TNRC6B: variants seen among roughly 807,000 people sequenced by gnomAD.
TNRC6B encodes the protein trinucleotide repeat containing adaptor 6B, also known as trinucleotide repeat-containing gene 6B protein.
Under a neutral mutation model 203.6 loss-of-function variants are expected in TNRC6B, and 52 were observed. That is an observed-to-expected ratio of 0.26 (90% CI 0.20 to 0.32). The LOEUF (loss-of-function observed/expected upper bound fraction) is 0.32. Ranked by LOEUF, TNRC6B falls within the 10% of genes least tolerant of loss-of-function variation. TNRC6B has a pLI of 1.00. For missense variants in TNRC6B, 1,923 were observed against 2,286.2 expected, an observed-to-expected ratio of 0.84 and a Z score of 3.24; for synonymous variants, 838 against 845.7, an observed-to-expected ratio of 0.99 and a Z score of 0.16.
chr22:40,151,227 C>T (rs1465215379), intron 3 of TNRC6B, among the ~76,000 whole-genome samples: 8 of 151,434 alleles, frequency 5.3e-5, no homozygotes, highest in African/African-American at 9.7e-5. Context: ...GCCGAGATCA[C>T]GCCACTGCAC....
intron 1 of TNRC6B, among the ~76,000 whole-genome samples, chr22:40,051,865 A>C (rs1257043916): frequency 3.3e-5 from 5 of 152,204 alleles, no homozygotes; most frequent in Non-Finnish European, 7.3e-5. Context: ...AATTGGTAAA[A>C]ATTATTAATG....
At chr22:40,318,807 T>C (rs1165377526) in intron 21 of TNRC6B, among the ~76,000 whole-genome samples, 2 of 152,174 alleles carry the variant, frequency 1.3e-5, no homozygotes, top group Non-Finnish European at 2.9e-5. Flanking sequence ...TGGTGGCTCA[T>C]GCCTGTAATC....
At chr22:40,261,198 A>G (rs1167440512) in intron 3 of TNRC6B, among the ~76,000 whole-genome samples, 3 of 152,118 alleles carry the variant, frequency 2.0e-5, no homozygotes, top group Non-Finnish European at 2.9e-5. Context: ...AGGTGGGAGG[A>G]TCACTTGAGC....
At chr22:40,239,700 G>A (rs536994774) in intron 1 of TNRC6B, among the ~76,000 whole-genome samples, 2 of 152,264 alleles carry the variant, frequency 1.3e-5, no homozygotes, top group Non-Finnish European at 2.9e-5. Flanking sequence ...ACCATTGGAG[G>A]GTTCAGTTCT....
At position 40,324,185 on chromosome 22, in the gene TNRC6B, G is replaced by C. The variant is rs1346614843; in HGVS notation, c.*944G>C. On this transcript the variant is annotated 3_prime_UTR_variant, in exon 23 of 23. Transcript: ENST00000454349. ...CCATTTGCAACTTAGCCTGAATGTG[G>C]GGTTTCTCTGGCTGTTCTTTTGACC... 6.6e-6 allele frequency: 1 copy of C among 152,568 alleles called. No homozygotes were observed. The highest frequency in any genetic ancestry group is 6.5e-5 in the Admixed American group (1 of 15,276). The allele number at this position is 152,568 out of a possible 1,614,324, so 9.5% of individuals were successfully genotyped here.
chr22:40,125,760 CTCT>C (rs2068486672), intron 2 of TNRC6B: 1 of 1,568,326 alleles, frequency 6.4e-7, no homozygotes, highest in South Asian at 1.2e-5. Flanking sequence ...TTTTTCTTCT[CTCT>C]TCTTTTAGGC....
Position 40,266,895 on chromosome 22 carries a change from A to T in TNRC6B, c.2665A>T (p.Ile889Phe), listed in dbSNP as rs370065134. 1.2e-5 allele frequency: 20 copies of T among 1,613,924 alleles called. No homozygotes were observed. The highest frequency in any genetic ancestry group is 1.7e-5 in the Non-Finnish European group (20 of 1,179,910). The change falls in exon 5 of 23, where the codon ATT becomes TTT. Residue 889 changes from isoleucine to phenylalanine, a missense_variant. Physicochemically the swap from Ile to Phe is conservative, Grantham distance 21. Around this residue, in one of 8 missense-constraint regions of TNRC6B, gnomAD observed 599 missense variants for 656.5 expected, o/e 0.91. Transcript: ENST00000454349. ...ACAGTCAATTAGTCGGAAAATGGAC[A>T]TTGATGATGGCACTTCAGCATGGGG... ...SPQSISRKMD[I>F]DDGTSAWGDP...
At chr22:40,085,567 AAG>A (rs2068093159) in intron 1 of TNRC6B, among the ~76,000 whole-genome samples, 1 of 152,192 alleles carries the variant, frequency 6.6e-6, no homozygotes, top group Non-Finnish European at 1.5e-5. Context: ...GAGTGCAAGG[AAG>A]AGTGTTCCTT....
intron 1 of TNRC6B, among the ~76,000 whole-genome samples, chr22:40,048,592 TTC>T (rs1318581409): frequency 6.6e-6 from 1 of 152,198 alleles, no homozygotes; most frequent in Non-Finnish European, 1.5e-5. Flanking sequence ...TTTCATCCTT[TTC>T]TGTCTCCCTG....
chr22:40,146,712 G>A (rs1425398636), intron 3 of TNRC6B, among the ~76,000 whole-genome samples: 1 of 151,890 alleles, frequency 6.6e-6, no homozygotes, highest in Non-Finnish European at 1.5e-5. Context: ...GGCGCCCGCC[G>A]CCATGCCTGG....
intron 5 of TNRC6B, among the ~76,000 whole-genome samples, chr22:40,268,266 A>C (rs1372275192): frequency 6.6e-6 from 1 of 152,042 alleles, no homozygotes; most frequent in African/African-American, 2.4e-5. Context: ...TTGTATTTTT[A>C]GTAGAGACAG....
At chr22:40,206,989 G>A (rs1489351842) in intron 1 of TNRC6B, among the ~76,000 whole-genome samples, 2 of 151,938 alleles carry the variant, frequency 1.3e-5, no homozygotes, top group African/African-American at 2.4e-5. Flanking sequence ...AAAATTACTC[G>A]ACCTCCGAAG....
chr22:40,119,403 G>A (rs1471809097), intron 2 of TNRC6B, among the ~76,000 whole-genome samples: 1 of 152,222 alleles, frequency 6.6e-6, no homozygotes, highest in Non-Finnish European at 1.5e-5. Flanking sequence ...GGCCAACATG[G>A]TGAAACCCTG....
chr22:40,086,868 C>T (rs1351117339), intron 1 of TNRC6B, among the ~76,000 whole-genome samples: 1 of 152,178 alleles, frequency 6.6e-6, no homozygotes, highest in African/African-American at 2.4e-5. Flanking sequence ...AAGAGAGATG[C>T]TAATAAGCTT....
chr22:40,236,963 G>A (rs1336433284), intron 1 of TNRC6B, among the ~76,000 whole-genome samples: 1 of 152,034 alleles, frequency 6.6e-6, no homozygotes, highest in Admixed American at 6.6e-5. Context: ...CCAGGAGTTC[G>A]AGACCAGCCT....
chr22:40,072,396 T>C (rs17001611), intron 1 of TNRC6B, among the ~76,000 whole-genome samples: 6,718 of 152,274 alleles, frequency 0.044, 447 homozygotes, highest in African/African-American at 0.14. Flanking sequence ...CTACTAATTA[T>C]TCCCAAGGAT....
intron 1 of TNRC6B, among the ~76,000 whole-genome samples, chr22:40,223,713 T>C (rs1242640122): frequency 6.6e-6 from 1 of 152,236 alleles, no homozygotes. Flanking sequence ...TACAAACATA[T>C]TTTGCAGTGA....
intron 1 of TNRC6B, among the ~76,000 whole-genome samples, chr22:40,245,754 A>G (rs1000891864): frequency 2.6e-5 from 4 of 152,174 alleles, no homozygotes; most frequent in Non-Finnish European, 5.9e-5. Flanking sequence ...TCTTTTAGGT[A>G]GATATTATAA....
At chr22:40,302,739 TC>T (rs562369229) in intron 15 of TNRC6B, among the ~76,000 whole-genome samples, 44 of 152,102 alleles carry the variant, frequency 2.9e-4, no homozygotes, top group African/African-American at 1.0e-3. Flanking sequence ...AACCCCGTGA[TC>T]CTCCTACTGC....
Sources: allele counts gnomAD v4.1 joint callset (sites outside exome capture counted in the v4.1 genomes callset), GRCh38; gene constraint gnomAD v4.1.1; regional missense constraint gnomAD v4.1.1; transcripts MANE v1.5; gene names NCBI Gene and HGNC (gene_info 2026-07-23, HGNC 2026-07-21).